Variants in KCNQ5 observed in about 807,000 individuals in gnomAD.
The protein encoded by KCNQ5 is potassium voltage-gated channel subfamily KQT member 5.
KCNQ5 carries 30 observed loss-of-function variants against 98.2 expected under a neutral mutation model. The observed-to-expected ratio is 0.31, with a 90% CI of 0.23 to 0.41. The LOEUF is 0.41. KCNQ5 is among the 10% of genes least tolerant of loss of function. KCNQ5 has a pLI of 1.00. For missense variants in KCNQ5, 835 were observed against 1,182.5 expected (o/e 0.71, Z 4.31); for synonymous variants, 458 against 449.4 (o/e 1.02, Z -0.24).
rs1474129122 is a variant in KCNQ5, at chr6:73,197,187, A to C, written c.*1773A>C. ...CTCTCCCCTGCTTTTCTTCTTCATTAACTCCTTATTCATTCCCTGCCAGTA... is the reference window on the plus strand; with the variant it reads ...CTCTCCCCTGCTTTTCTTCTTCATTCACTCCTTATTCATTCCCTGCCAGTA... On this transcript the variant is annotated 3_prime_UTR_variant, in exon 14 of 14. Transcript: ENST00000370398. 1 of 152,156 alleles carries C rather than the reference A, an allele frequency of 6.6e-6. No individual in the cohort carries two copies. Among genetic ancestry groups the C allele is most frequent in the Non-Finnish European group, 1.5e-5 (1 of 68,090 alleles). 9.4% of individuals were successfully genotyped at this position (152,156 alleles called of 1,614,324 possible).
chr6:73,164,735 T>C (rs545738111), intron 10 of KCNQ5, among the ~76,000 whole-genome samples: 1 of 152,368 alleles, frequency 6.6e-6, no homozygotes, highest in South Asian at 2.1e-4. Context: ...TATTTTATGC[T>C]ATTTCATTAT....
At chr6:72,771,327 CTT>C (rs1350163820) in intron 1 of KCNQ5, among the ~76,000 whole-genome samples, 1 of 152,028 alleles carries the variant, frequency 6.6e-6, no homozygotes, top group Non-Finnish European at 1.5e-5. Context: ...TTAAATTAAA[CTT>C]AATTTTTTGA....
At chr6:72,660,258 A>G (rs1766441979) in intron 1 of KCNQ5, among the ~76,000 whole-genome samples, 1 of 152,198 alleles carries the variant, frequency 6.6e-6, no homozygotes, top group Admixed American at 6.5e-5. Flanking sequence ...CGCATGAGAA[A>G]CTGAGCTATA....
At chr6:72,960,647 C>T (rs1358835847) in intron 1 of KCNQ5, among the ~76,000 whole-genome samples, 3 of 152,156 alleles carry the variant, frequency 2.0e-5, no homozygotes, top group Non-Finnish European at 4.4e-5. Flanking sequence ...AGGCTGGTCT[C>T]GAAGTCCTGA....
intron 1 of KCNQ5, among the ~76,000 whole-genome samples, chr6:72,625,157 T>C (rs528385495): frequency 6.6e-6 from 1 of 152,338 alleles, no homozygotes; most frequent in South Asian, 2.1e-4. Flanking sequence ...AAGAAAAGCA[T>C]GTTTAAAGTT....
intron 1 of KCNQ5, among the ~76,000 whole-genome samples, chr6:72,855,176 T>C (rs1473611349): frequency 1.3e-5 from 2 of 152,164 alleles, no homozygotes; most frequent in Non-Finnish European, 2.9e-5. Context: ...TAAGAAACTA[T>C]GCCATGGTGG....
Position 73,195,441 on chromosome 6 carries a change from C to T in KCNQ5, c.*27C>T. The stretch of plus-strand genomic sequence containing the variant: ...TTCTTCATTTTCTTTCCAGGCATAG[C>T]AGTTCTTTAGCCATACATATCATTG... On this transcript the variant is annotated 3_prime_UTR_variant, in exon 14 of 14. Transcript: ENST00000370398. 6.2e-7 allele frequency: 1 copy of T among 1,602,426 alleles called. No homozygotes were observed. The highest frequency in any genetic ancestry group is 8.5e-7 in the Non-Finnish European group (1 of 1,173,382).
chr6:72,931,767 C>A (rs73753209), intron 1 of KCNQ5, among the ~76,000 whole-genome samples: 3 of 152,070 alleles, frequency 2.0e-5, no homozygotes, highest in Non-Finnish European at 2.9e-5. Flanking sequence ...ACTCTGCATG[C>A]GAGGTAATTG....
intron 1 of KCNQ5, among the ~76,000 whole-genome samples, chr6:72,740,508 A>C (rs1771074504): frequency 6.6e-6 from 1 of 152,174 alleles, no homozygotes; most frequent in Non-Finnish European, 1.5e-5. Context: ...TTGAAAGCTA[A>C]AATGAGATTC....
intron 3 of KCNQ5, among the ~76,000 whole-genome samples, chr6:73,052,964 G>C (rs1772311569): frequency 6.6e-6 from 1 of 152,128 alleles, no homozygotes; most frequent in African/African-American, 2.4e-5. Context: ...GTTGGACAAA[G>C]AAGCAAGACC....
intron 3 of KCNQ5, among the ~76,000 whole-genome samples, chr6:73,047,037 A>C (rs1771998245): frequency 6.6e-6 from 1 of 152,220 alleles, no homozygotes; most frequent in South Asian, 2.1e-4. Flanking sequence ...TGATAGGTGA[A>C]AGAACCTGGA....
intron 1 of KCNQ5, among the ~76,000 whole-genome samples, chr6:72,790,867 AT>A (rs1193017274): frequency 6.6e-6 from 1 of 152,210 alleles, no homozygotes; most frequent in Non-Finnish European, 1.5e-5. Flanking sequence ...AAAGAATTAT[AT>A]TCAGTGTTTG....
intron 1 of KCNQ5, among the ~76,000 whole-genome samples, chr6:72,821,352 C>T (rs1229060519): frequency 1.3e-5 from 2 of 152,304 alleles, no homozygotes; most frequent in South Asian, 4.1e-4. Context: ...TTCTAATTCT[C>T]TTCTCTCTAA....
intron 1 of KCNQ5, among the ~76,000 whole-genome samples, chr6:72,623,391 A>AGTGTGTGT (rs1214797915): frequency 0.22 from 31,990 of 142,918 alleles, 3,683 homozygotes; most frequent in African/African-American, 0.26. Context: ...GGAGTCAAAG[A>AGTGTGTGT]GTGTGTGTGT....
At chr6:73,002,179 G>A (rs1020630419) in intron 1 of KCNQ5, among the ~76,000 whole-genome samples, 2 of 152,114 alleles carry the variant, frequency 1.3e-5, no homozygotes, top group East Asian at 1.9e-4. Context: ...CATTAACATC[G>A]TGTACTAGGT....
At chr6:73,011,842 C>A (rs1429753167) in intron 2 of KCNQ5, among the ~76,000 whole-genome samples, 1 of 151,660 alleles carries the variant, frequency 6.6e-6, no homozygotes, top group Non-Finnish European at 1.5e-5. Context: ...AAAAGAGGTA[C>A]AAGTGGCCAA....
intron 1 of KCNQ5, among the ~76,000 whole-genome samples, chr6:72,971,190 TGA>T (rs1767878737): frequency 6.6e-6 from 1 of 152,176 alleles, no homozygotes; most frequent in African/African-American, 2.4e-5. Flanking sequence ...GTGAAGGATA[TGA>T]ACAGACACTT....
At chr6:73,035,140 C>G (rs894135592) in intron 2 of KCNQ5, among the ~76,000 whole-genome samples, 8 of 152,012 alleles carry the variant, frequency 5.3e-5, no homozygotes, top group Non-Finnish European at 8.8e-5. Context: ...CCACCGCGCC[C>G]GGCCACCACT....
chr6:72,914,629 C>T (rs1185705463), intron 1 of KCNQ5, among the ~76,000 whole-genome samples: 2 of 150,224 alleles, frequency 1.3e-5, no homozygotes, highest in African/African-American at 4.9e-5. Flanking sequence ...AAATTTATAA[C>T]AAGGAACAAA....
Sources: gnomAD v4.1 joint callset for allele counts (sites outside exome capture counted in the v4.1 genomes callset) on GRCh38, gnomAD v4.1.1 for gene constraint, MANE v1.5 for transcripts, NCBI Gene and HGNC (gene_info 2026-07-23, HGNC 2026-07-21) for gene names.